ZFAND4: variants seen among roughly 807,000 people sequenced by gnomAD.
The protein encoded by ZFAND4 is zinc finger AN1-type containing 4, also known as AN1-type zinc finger protein 4.
ZFAND4 carries 43 observed loss-of-function variants against 64.4 expected under a neutral mutation model. The observed-to-expected ratio is 0.67, with a 90% CI of 0.52 to 0.86. The LOEUF (loss-of-function observed/expected upper bound fraction) is 0.86, where lower values mean the gene tolerates loss of function less well. ZFAND4 is among the 40% of genes least tolerant of loss of function. The pLI is 0.00. For synonymous variants in ZFAND4, 296 were observed against 305.7 expected, an observed-to-expected ratio of 0.97 and a Z score of 0.33; for missense variants, 929 against 859.8, an observed-to-expected ratio of 1.08 and a Z score of -1.01.
intron 2 of ZFAND4, among the ~76,000 whole-genome samples, chr10:45,660,381 T>TA (rs1432540696): frequency 6.6e-6 from 1 of 151,890 alleles, no homozygotes; most frequent in Non-Finnish European, 1.5e-5. Flanking sequence ...AACGGACTGT[T>TA]AAGAGAAAAA....
chr10:45,672,528 A>T lies in ZFAND4; in HGVS notation c.-396T>A, dbSNP rs1290465322. The T allele has an allele frequency of 6.6e-6, 1 of 151,864 alleles. No individual in the cohort carries two copies. The allele number at this position is 151,864 out of a possible 1,614,324, so 9.4% of individuals were successfully genotyped here. On this transcript the variant is annotated 5_prime_UTR_variant, in exon 1 of 10. Transcript: ENST00000344646. Reference sequence around the variant, plus strand: ...CCGCAAGGCGAGGGGCGGGGACAGGACTCTACCCGGCAGCCCAGCGCCGAG... The same window carrying T: ...CCGCAAGGCGAGGGGCGGGGACAGGTCTCTACCCGGCAGCCCAGCGCCGAG...
chr10:45,658,486 A>G (rs1317803541), intron 2 of ZFAND4, among the ~76,000 whole-genome samples: 2 of 152,226 alleles, frequency 1.3e-5, no homozygotes, highest in African/African-American at 4.8e-5. Flanking sequence ...CAGCCCTAGC[A>G]AACTAATACA....
At chr10:45,669,166 C>A (rs1471220379) in intron 1 of ZFAND4, among the ~76,000 whole-genome samples, 2 of 151,372 alleles carry the variant, frequency 1.3e-5, no homozygotes, top group Admixed American at 1.3e-4. Flanking sequence ...ACTAAAGAAT[C>A]AAATAGATGC....
At chr10:45,635,313 T>A (rs902597943) in intron 6 of ZFAND4, among the ~76,000 whole-genome samples, 2 of 148,092 alleles carry the variant, frequency 1.4e-5, no homozygotes, top group African/African-American at 5.0e-5. Context: ...AGTACTGACA[T>A]GAACATAGAT....
At chr10:45,656,251 G>C (rs1278146111) in intron 2 of ZFAND4, among the ~76,000 whole-genome samples, 1 of 151,412 alleles carries the variant, frequency 6.6e-6, no homozygotes, top group Non-Finnish European at 1.5e-5. Flanking sequence ...GAAGAGAAGA[G>C]AAGAGAAGAG....
At chr10:45,645,297 A>C (rs922468084) in intron 5 of ZFAND4, among the ~76,000 whole-genome samples, 9 of 152,184 alleles carry the variant, frequency 5.9e-5, no homozygotes, top group African/African-American at 2.2e-4. Flanking sequence ...GTCTACAGTT[A>C]TTCATTGTAT....
intron 6 of ZFAND4, among the ~76,000 whole-genome samples, chr10:45,637,004 G>GAA (rs58965939): frequency 5.0e-5 from 6 of 120,348 alleles, no homozygotes; most frequent in Non-Finnish European, 5.4e-5. Context: ...TTCCCCATCA[G>GAA]AAAAAAAAAA....
intron 8 of ZFAND4, among the ~76,000 whole-genome samples, chr10:45,622,658 G>A (rs1254544486): frequency 6.6e-6 from 1 of 152,134 alleles, no homozygotes; most frequent in Non-Finnish European, 1.5e-5. Context: ...TGAAAGTCAG[G>A]GTTGGCTTGT....
chr10:45,635,214 C>CAAAA (rs76130878), intron 6 of ZFAND4, among the ~76,000 whole-genome samples: 2 of 68,254 alleles, frequency 2.9e-5, no homozygotes, highest in African/African-American at 1.1e-4. Context: ...AAAAAAAAAA[C>CAAAA]AAAAAAAAAA....
chr10:45,657,789 T>G (rs1315138664), intron 2 of ZFAND4, among the ~76,000 whole-genome samples: 1 of 152,250 alleles, frequency 6.6e-6, no homozygotes, highest in African/African-American at 2.4e-5. Flanking sequence ...AACAATATGA[T>G]AAGTCTCAAA....
chr10:45,665,260 C>A lies in ZFAND4; in HGVS notation c.-117-1418G>T, dbSNP rs183022470. 5.7e-4 allele frequency among the ~76,000 whole-genome samples: 86 copies of A among 152,182 alleles called. 1 individual carries two copies. In the East Asian group the frequency reaches 0.013, roughly 23 times the overall value. Reference sequence around the variant, plus strand: ...TTTTTAAAAATAGCTTTATTGAGGGCCAGGCACAGTGGCTCACACCTGTAA... The same window carrying A: ...TTTTTAAAAATAGCTTTATTGAGGGACAGGCACAGTGGCTCACACCTGTAA... On this transcript the variant is annotated intron_variant, in intron 1 of 9. Coordinates refer to ENST00000344646, the MANE Select transcript of ZFAND4 (RefSeq NM_174890.4).
chr10:45,616,304 C>T lies in ZFAND4; in HGVS notation c.*132G>A. ...AAAATACAGTAGCATTCTTGTTCTC[C>T]AACAGTATGCATTGTATGCTTTTGT... On this transcript the variant is annotated 3_prime_UTR_variant, in exon 10 of 10. Transcript: ENST00000344646. The T allele has an allele frequency of 1.7e-6, 2 of 1,185,694 alleles. No homozygotes were observed. Among genetic ancestry groups the T allele is most frequent in the Admixed American group, 2.8e-5 (1 of 36,140 alleles). 73.4% of individuals were successfully genotyped at this position (1,185,694 alleles called of 1,614,324 possible). A position where few individuals can be genotyped will look rare whatever the true frequency, so the allele number is the denominator to read the frequency against.
intron 6 of ZFAND4, among the ~76,000 whole-genome samples, chr10:45,635,859 TTAAGA>T (rs1279249263): frequency 2.0e-5 from 3 of 152,202 alleles, no homozygotes; most frequent in Admixed American, 6.5e-5. Flanking sequence ...CTTAAGATGG[TTAAGA>T]TAATTTTATG....
chr10:45,635,214 C>CAAAAAAAAAAAAAA (rs76130878), intron 6 of ZFAND4, among the ~76,000 whole-genome samples: 7 of 68,252 alleles, frequency 1.0e-4, no homozygotes, highest in Non-Finnish European at 1.5e-4. Flanking sequence ...AAAAAAAAAA[C>CAAAAAAAAAAAAAA]AAAAAAAAAA....
intron 5 of ZFAND4, among the ~76,000 whole-genome samples, chr10:45,644,268 G>A (rs1331690580): frequency 1.3e-5 from 2 of 152,174 alleles, no homozygotes; most frequent in Admixed American, 1.3e-4. Flanking sequence ...AGGTACCGTA[G>A]AGTGGATTAT....
intron 1 of ZFAND4, 96 bp from the exon 2 acceptor site, chr10:45,663,938 C>G (rs552093342): frequency 3.1e-5 from 13 of 420,736 alleles, no homozygotes; most frequent in African/African-American, 2.7e-4. Flanking sequence ...ATCTTCCAGA[C>G]GGCCCCAGAA....
chr10:45,632,408 A>G (rs1222347493), intron 6 of ZFAND4, among the ~76,000 whole-genome samples: 2 of 152,294 alleles, frequency 1.3e-5, no homozygotes, highest in East Asian at 3.9e-4. Flanking sequence ...TAAAACTAAA[A>G]TAAGAGTGAG....
intron 5 of ZFAND4, among the ~76,000 whole-genome samples, chr10:45,642,158 CTTAAATA>C: frequency 6.6e-6 from 1 of 152,160 alleles, no homozygotes; most frequent in Non-Finnish European, 1.5e-5. Flanking sequence ...ATATTTTAAC[CTTAAATA>C]CTTCTGAGTT....
chr10:45,663,517 C>G lies in ZFAND4; in HGVS notation c.184+25G>C. On this transcript the variant is annotated intron_variant, in intron 2 of 9. Coordinates refer to ENST00000344646, the MANE Select transcript of ZFAND4 (RefSeq NM_174890.4). The stretch of plus-strand genomic sequence containing the variant: ...TGATGAACAAATTTAATTTTCATAT[C>G]CTAAAAACAAAGAAAGATGAGTACC... The G allele has an allele frequency of 2.6e-6, 4 of 1,541,560 alleles. No individual in the cohort carries two copies. In the South Asian group the frequency reaches 4.9e-5, roughly 19 times the overall value.
Sources: allele counts gnomAD v4.1 joint callset (sites outside exome capture counted in the v4.1 genomes callset), GRCh38; gene constraint gnomAD v4.1.1; transcripts MANE v1.5; gene names NCBI Gene and HGNC (gene_info 2026-07-23, HGNC 2026-07-21).